NUDT9: variants seen among roughly 807,000 people sequenced by gnomAD.
The protein encoded by NUDT9 is nudix hydrolase 9.
Under a neutral mutation model 41.0 loss-of-function variants are expected in NUDT9, and 31 were observed. The observed-to-expected ratio is 0.76, with a 90% CI of 0.57 to 1.02. The LOEUF is 1.02. Among genes scored for constraint, NUDT9 ranks in the 50% least tolerant of loss-of-function variants. The pLI is 0.00. For missense variants in NUDT9, 380 were observed against 431.4 expected, an observed-to-expected ratio of 0.88 and a Z score of 1.06; for synonymous variants, 146 against 147.6, an observed-to-expected ratio of 0.99 and a Z score of 0.08.
At chr4:87,429,889 T>A (rs1454129913) in intron 1 of NUDT9, among the ~76,000 whole-genome samples, 1 of 152,086 alleles carries the variant, frequency 6.6e-6, no homozygotes, top group African/African-American at 2.4e-5. Context: ...TCCTTCTATA[T>A]ATGCTTATAT....
intron 3 of NUDT9, among the ~76,000 whole-genome samples, chr4:87,440,573 C>T (rs1722159610): frequency 6.6e-6 from 1 of 152,148 alleles, no homozygotes; most frequent in Non-Finnish European, 1.5e-5. Flanking sequence ...GCAGGCCGGG[C>T]ATGGTGGCTC....
chr4:87,438,189 C>T, intron 2 of NUDT9, 88 bp from the exon 3 acceptor site: 4 of 576,432 alleles, frequency 6.9e-6, no homozygotes, highest in East Asian at 3.4e-5. Flanking sequence ...AGGAATACTT[C>T]TTATGGATAA....
intron 2 of NUDT9, among the ~76,000 whole-genome samples, chr4:87,437,985 A>G (rs951822440): frequency 3.9e-5 from 6 of 152,182 alleles, no homozygotes; most frequent in Non-Finnish European, 8.8e-5. Context: ...ACCTTCTTGT[A>G]GCATGAGGTA....
intron 4 of NUDT9, among the ~76,000 whole-genome samples, chr4:87,443,489 A>G (rs886550337): frequency 6.6e-6 from 1 of 152,218 alleles, no homozygotes; most frequent in African/African-American, 2.4e-5. Flanking sequence ...AAAAAATTCT[A>G]AGAATCCTAA....
chr4:87,438,282 G>A lies in NUDT9; in HGVS notation c.353G>A (p.Ser118Asn). The A allele has an allele frequency of 6.3e-7, 1 of 1,579,984 alleles. No individual in the cohort carries two copies. The highest frequency in any genetic ancestry group is 8.7e-7 in the Non-Finnish European group (1 of 1,149,678). Residue 118 changes from serine to asparagine, a missense_variant, in exon 3 of 8, where the codon AGT (serine) becomes AAT (asparagine). Transcript: ENST00000302174. ...PRWADPQISE[S>N]NFSPKFNEKD... ...CATTGGTATTCTCATTACAGTGAAA[G>A]TAATTTTTCTCCCAAGTTTAACGAA...
In NUDT9 at chr4:87,454,439, C is replaced by G; in HGVS notation, c.858C>G (p.Asn286Lys). 1.9e-6 allele frequency: 3 copies of G among 1,606,844 alleles called. No individual in the cohort carries two copies. The highest frequency in any genetic ancestry group is 2.6e-6 in the Non-Finnish European group (3 of 1,173,472). ...DNAWMETEAV[N>K]YHDETGEIMD... is the part of the protein sequence containing the mutation. ...CATGGATGGAGACAGAAGCTGTGAACTACCATGACGAAACAGGTAACTTTA... is the reference window on the plus strand; with the variant it reads ...CATGGATGGAGACAGAAGCTGTGAAGTACCATGACGAAACAGGTAACTTTA... Residue 286 changes from asparagine to lysine, a missense_variant, in exon 7 of 8, where the codon AAC becomes AAG. Transcript: ENST00000302174.
intron 2 of NUDT9, among the ~76,000 whole-genome samples, 155 bp from the exon 3 acceptor site, chr4:87,438,122 A>T (rs1285460143): frequency 6.7e-6 from 1 of 149,470 alleles, no homozygotes; most frequent in Non-Finnish European, 1.5e-5. Context: ...GTTTTGAAGG[A>T]ATAAGATGGA....
At position 87,439,628 on chromosome 4, in the gene NUDT9, C is replaced by T. The variant is rs1162049020; in HGVS notation, c.443+1256C>T. Among the ~76,000 whole-genome samples, 17 of 152,184 alleles carry T rather than the reference C, an allele frequency of 1.1e-4. No homozygotes were observed. In the East Asian group the frequency reaches 3.3e-3, roughly 29 times the overall value. ...CCAGGATTGTGCCGCTGCACTCCAG[C>T]CTGGGCAACAGAGTGAGACTCCATC... On this transcript the variant is annotated intron_variant, in intron 3 of 7. Coordinates refer to ENST00000302174, the MANE Select transcript of NUDT9 (RefSeq NM_024047.5).
At chr4:87,447,331 C>G (rs962941219) in intron 4 of NUDT9, among the ~76,000 whole-genome samples, 1 of 152,250 alleles carries the variant, frequency 6.6e-6, no homozygotes, top group South Asian at 2.1e-4. Context: ...TGAGCTCTTT[C>G]ATGGGAGGAA....
chr4:87,426,496 G>A (rs1019801217), intron 1 of NUDT9, among the ~76,000 whole-genome samples: 5 of 151,538 alleles, frequency 3.3e-5, no homozygotes, highest in Non-Finnish European at 5.9e-5. Flanking sequence ...TGCAACTTGT[G>A]CCTCCAGGGT....
intron 1 of NUDT9, chr4:87,434,504 T>C (rs1242557823): frequency 6.6e-6 from 1 of 151,766 alleles, no homozygotes; most frequent in African/African-American, 2.4e-5. Flanking sequence ...AAAAAATGTA[T>C]ATTTGAAAAT....
At chr4:87,445,721 T>C (rs1560795936) in intron 4 of NUDT9, among the ~76,000 whole-genome samples, 3 of 152,312 alleles carry the variant, frequency 2.0e-5, no homozygotes, top group Admixed American at 2.0e-4. Context: ...AAATGTTTAT[T>C]AGGTTCGTCA....
rs140342640 is a variant in NUDT9 at position 87,456,018 on chromosome 4, A to T, written c.874+1563A>T. Among the ~76,000 whole-genome samples, 30 of 152,200 alleles carry T rather than the reference A, an allele frequency of 2.0e-4. No homozygotes were observed. In the East Asian group the frequency reaches 5.0e-3, roughly 25 times the overall value. ...AACTTGTAAGGGAACTAAGGCAAAT[A>T]GTTCTTTAGCGTGAGGTTTTATGTT... On this transcript the variant is annotated intron_variant, in intron 7 of 7. Coordinates refer to ENST00000302174, the MANE Select transcript of NUDT9 (RefSeq NM_024047.5).
intron 4 of NUDT9, among the ~76,000 whole-genome samples, chr4:87,443,066 C>A (rs533683726): frequency 6.6e-6 from 1 of 152,192 alleles, no homozygotes; most frequent in Non-Finnish European, 1.5e-5. Context: ...ACTGGCAGTG[C>A]AGTAGGTTTG....
intron 1 of NUDT9, among the ~76,000 whole-genome samples, chr4:87,432,032 T>G (rs1478571721): frequency 1.3e-5 from 2 of 152,224 alleles, no homozygotes; most frequent in African/African-American, 4.8e-5. Flanking sequence ...GATTCATACC[T>G]TGCAACTTTG....
chr4:87,433,027 T>C (rs1041619415), intron 1 of NUDT9, among the ~76,000 whole-genome samples: 1 of 152,188 alleles, frequency 6.6e-6, no homozygotes, highest in Non-Finnish European at 1.5e-5. Context: ...AGTTTGGAAG[T>C]GTTTACTTCC....
chr4:87,439,734 C>G (rs1015750760), intron 3 of NUDT9, among the ~76,000 whole-genome samples: 11 of 152,126 alleles, frequency 7.2e-5, no homozygotes, highest in Non-Finnish European at 1.5e-4. Flanking sequence ...GAGAAACCGT[C>G]CCCCATGATC....
chr4:87,454,284 A>G, intron 6 of NUDT9, 87 bp from the exon 7 acceptor site: 8 of 729,254 alleles, frequency 1.1e-5, no homozygotes, highest in Non-Finnish European at 1.7e-5. Flanking sequence ...CAGGATATTT[A>G]CATTTCTGAT....
chr4:87,440,267 T>A (rs1560793212), intron 3 of NUDT9, among the ~76,000 whole-genome samples: 1 of 152,248 alleles, frequency 6.6e-6, no homozygotes, highest in African/African-American at 2.4e-5. Context: ...GCTATAGGAA[T>A]GTCTCAAGGA....
Sources: allele counts gnomAD v4.1 joint callset (sites outside exome capture counted in the v4.1 genomes callset), GRCh38; gene constraint gnomAD v4.1.1; transcripts MANE v1.5; gene names NCBI Gene and HGNC (gene_info 2026-07-23, HGNC 2026-07-21).